EDARADD: variants seen among roughly 807,000 people sequenced by gnomAD.
EDARADD encodes ectodysplasin-A receptor-associated adapter protein.
EDARADD carries 20 observed loss-of-function variants against 25.6 expected under a neutral mutation model. The ratio of observed to expected loss-of-function variants is 0.78; its 90% CI spans 0.55 to 1.14. EDARADD has a LOEUF of 1.14. Ranked by LOEUF, EDARADD falls within the 50% of genes most tolerant of loss-of-function variation. The pLI, the probability that EDARADD is intolerant of heterozygous loss-of-function variation, is 0.00. For missense variants in EDARADD, 225 were observed against 270.1 expected, an observed-to-expected ratio of 0.83 and a Z score of 1.17; for synonymous variants, 86 against 94.4, an observed-to-expected ratio of 0.91 and a Z score of 0.52.
rs6682168 is a variant in EDARADD at position 236,366,164 on chromosome 1, T to G, written c.-6+15325T>G. Among the ~76,000 whole-genome samples, 952 of 152,350 alleles carry G rather than the reference T, an allele frequency of 6.2e-3. 10 individuals are homozygous for G. Among genetic ancestry groups the G allele is most frequent in the African/African-American group, 0.022 (895 of 41,588 alleles). On this transcript the variant is annotated intron_variant, in intron 3 of 7. Coordinates refer to the EDARADD transcript ENST00000439430. ...CTTCGCATGCCTGGAAATCTTTGGT[T>G]GGCTGCCAGACATTGTGACTTTATC... is the stretch of plus-strand genomic sequence containing the variant.
At chr1:236,382,729 C>T (rs562149338) in intron 3 of EDARADD, among the ~76,000 whole-genome samples, 2 of 152,272 alleles carry the variant, frequency 1.3e-5, no homozygotes, top group East Asian at 3.9e-4. Context: ...TCAGGCAAGA[C>T]CCTTTTGTGT....
chr1:236,459,657 C>T (rs915961728), intron 4 of EDARADD, among the ~76,000 whole-genome samples: 2 of 147,388 alleles, frequency 1.4e-5, no homozygotes, highest in Non-Finnish European at 3.0e-5. Context: ...TCTTGTCACC[C>T]AGCCTGGAGC....
intron 3 of EDARADD, among the ~76,000 whole-genome samples, chr1:236,422,590 G>A (rs1017333120): frequency 3.9e-5 from 6 of 152,216 alleles, no homozygotes; most frequent in Non-Finnish European, 7.3e-5. Context: ...TTAAGGGATG[G>A]AAAGCAGCAA....
intron 4 of EDARADD, among the ~76,000 whole-genome samples, chr1:236,460,164 A>C (rs545353137): frequency 6.6e-6 from 1 of 151,756 alleles, no homozygotes; most frequent in Non-Finnish European, 1.5e-5. Flanking sequence ...AAATCAAATA[A>C]ATACATTTCT....
chr1:236,438,367 T>C (rs565282690), intron 4 of EDARADD, among the ~76,000 whole-genome samples: 1 of 152,196 alleles, frequency 6.6e-6, no homozygotes, highest in South Asian at 2.1e-4. Context: ...ACAGCGCATT[T>C]TGAGGGAGAG....
intron 5 of EDARADD, 80 bp downstream of exon 5, chr1:236,468,356 A>G (rs1659273604): frequency 2.6e-5 from 38 of 1,467,372 alleles, no homozygotes; most frequent in Non-Finnish European, 3.8e-6. Context: ...AGGGTCGGTG[A>G]CTCATGCCTG....
At chr1:236,438,610 C>A (rs1226091260) in intron 4 of EDARADD, among the ~76,000 whole-genome samples, 1 of 152,156 alleles carries the variant, frequency 6.6e-6, no homozygotes, top group Non-Finnish European at 1.5e-5. Flanking sequence ...GGTGGATTAC[C>A]TAATGCTATC....
rs553211443 is a variant in EDARADD, at chr1:236,399,791, G to A, written c.61+5286G>A. Among the ~76,000 whole-genome samples, 7 of 152,350 alleles carry A rather than the reference G, an allele frequency of 4.6e-5. No homozygotes were observed. The South Asian group carries it at 1.2e-3, about 27-fold the overall frequency. ...GCTTCGTTGCAGTAAGGCAAGTGCC[G>A]ACGGCCACAGAGCATTGCAAAAGAG... On this transcript the variant is annotated intron_variant, in intron 1 of 5. Coordinates refer to ENST00000334232, the MANE Select transcript of EDARADD (RefSeq NM_145861.4).
chr1:236,352,564 AG>A (rs1469045276), intron 3 of EDARADD, among the ~76,000 whole-genome samples: 1 of 152,146 alleles, frequency 6.6e-6, no homozygotes, highest in African/African-American at 2.4e-5. Context: ...TAAATTAGCC[AG>A]GGCCAGGTGT....
At chr1:236,439,004 A>G (rs560659098) in intron 4 of EDARADD, among the ~76,000 whole-genome samples, 10 of 152,222 alleles carry the variant, frequency 6.6e-5, no homozygotes, top group Admixed American at 5.9e-4. Flanking sequence ...CCACCCATTC[A>G]TCTCTCCCTC....
intron 3 of EDARADD, among the ~76,000 whole-genome samples, chr1:236,363,001 AAAAAAATAT>A (rs1341613698): frequency 4.1e-5 from 4 of 96,496 alleles, no homozygotes; most frequent in Admixed American, 1.3e-4. Context: ...AAAAAAAAAA[AAAAAAATAT>A]ATATATATAT....
intron 2 of EDARADD, 125 bp from the exon 3 acceptor site, chr1:236,414,135 A>G: frequency 1.1e-5 from 9 of 801,178 alleles, no homozygotes; most frequent in Non-Finnish European, 2.0e-5. Flanking sequence ...CCAGTTGATA[A>G]GTTTGAGGTT....
intron 3 of EDARADD, among the ~76,000 whole-genome samples, chr1:236,376,275 A>C (rs12127937): frequency 0.24 from 36,631 of 152,014 alleles, 4,580 homozygotes; most frequent in East Asian, 0.4. Context: ...TCTTTATGTA[A>C]TCTGAGTTTC....
rs892632766 is a variant in EDARADD, at chr1:236,395,920, G to A, written c.61+1415G>A. ...GTCAGCCACCGCGCGCCTTCCCCCT[G>A]CCCATGCCGCAGCCCCCGTGGCTTT... is the stretch of plus-strand genomic sequence containing the variant. On this transcript the variant is annotated intron_variant, in intron 1 of 5. Transcript: ENST00000334232. This position sits in a 1 kb window ranked among gnomAD's most constrained non-coding sequence, Gnocchi z 6.9. 1.3e-5 allele frequency among the ~76,000 whole-genome samples: 2 copies of A among 152,160 alleles called. No individual in the cohort carries two copies. The highest frequency in any genetic ancestry group is 4.8e-5 in the African/African-American group (2 of 41,448).
intron 1 of EDARADD, 103 bp from the exon 2 acceptor site, chr1:236,409,113 T>A (rs2103007959): frequency 6.2e-6 from 4 of 650,092 alleles, no homozygotes; most frequent in Non-Finnish European, 2.5e-6. Context: ...TCAGCCTAAG[T>A]AAAATTACTT....
chr1:236,469,185 A>G (rs1466429360), intron 5 of EDARADD, among the ~76,000 whole-genome samples: 1 of 152,156 alleles, frequency 6.6e-6, no homozygotes, highest in Non-Finnish European at 1.5e-5. Context: ...AAAATAAGCT[A>G]GCAAATGGCC....
intron 1 of EDARADD, among the ~76,000 whole-genome samples, chr1:236,403,982 C>T (rs1412206689): frequency 5.9e-5 from 9 of 152,158 alleles, no homozygotes; most frequent in East Asian, 3.9e-4. Flanking sequence ...GCAGAGTCAC[C>T]GACCTGGGGG....
At chr1:236,424,987 A>G (rs893337865) in intron 3 of EDARADD, among the ~76,000 whole-genome samples, 6 of 152,298 alleles carry the variant, frequency 3.9e-5, no homozygotes, top group Admixed American at 3.9e-4. Context: ...CATATGTCCC[A>G]AGGGACCTTC....
chr1:236,357,032 C>A (rs1666986085), intron 3 of EDARADD, among the ~76,000 whole-genome samples: 1 of 149,882 alleles, frequency 6.7e-6, no homozygotes, highest in Non-Finnish European at 1.5e-5. Context: ...GGCAGTGAGC[C>A]AAGATTGCGC....
Sources: allele counts gnomAD v4.1 joint callset (sites outside exome capture counted in the v4.1 genomes callset), GRCh38; gene constraint gnomAD v4.1.1; non-coding constraint Gnocchi (gnomAD v3.1); transcripts MANE v1.5; gene names NCBI Gene and HGNC (gene_info 2026-07-23, HGNC 2026-07-21).